TMEM45B: variants seen among roughly 807,000 people sequenced by gnomAD.
TMEM45B encodes transmembrane protein 45B.
Under a neutral mutation model 27.3 loss-of-function variants are expected in TMEM45B, and 29 were observed. The observed-to-expected ratio is 1.06, with a 90% confidence interval of 0.79 to 1.45. TMEM45B has a LOEUF of 1.45. TMEM45B is among the 40% of genes most tolerant of loss of function. TMEM45B has a pLI of 0.00. For synonymous variants in TMEM45B, 143 were observed against 134.7 expected, an observed-to-expected ratio of 1.06 and a Z score of -0.43; for missense variants, 348 against 343.9, an observed-to-expected ratio of 1.01 and a Z score of -0.09.
At chr11:129,829,144 C>A (rs919580197) in intron 1 of TMEM45B, among the ~76,000 whole-genome samples, 3 of 152,148 alleles carry the variant, frequency 2.0e-5, no homozygotes, top group Non-Finnish European at 2.9e-5. Flanking sequence ...AAGGTCTTAC[C>A]AGTAAAAGTG....
intron 1 of TMEM45B, among the ~76,000 whole-genome samples, chr11:129,849,902 G>A (rs938752077): frequency 1.3e-5 from 2 of 152,180 alleles, no homozygotes; most frequent in South Asian, 2.1e-4. Context: ...GTCATTCTCC[G>A]AAATGGCTTT....
chr11:129,816,799 G>T (rs1392908825), intron 1 of TMEM45B, among the ~76,000 whole-genome samples: 1 of 143,546 alleles, frequency 7.0e-6, no homozygotes, highest in African/African-American at 2.6e-5. Context: ...GTGCAGTGGC[G>T]CAATCTCGGA....
intron 1 of TMEM45B, among the ~76,000 whole-genome samples, chr11:129,830,000 G>A (rs1591437312): frequency 6.6e-6 from 1 of 152,200 alleles, no homozygotes; most frequent in East Asian, 1.9e-4. Context: ...GAATAAAGTT[G>A]GATCCCTACC....
intron 1 of TMEM45B, among the ~76,000 whole-genome samples, chr11:129,840,159 T>C (rs1947672056): frequency 6.6e-6 from 1 of 152,216 alleles, no homozygotes. Context: ...GTAGCTAATC[T>C]AATGAACTAA....
At chr11:129,815,922 G>A in intron 1 of TMEM45B, 24 bp downstream of exon 1, 2 of 1,270,742 alleles carry the variant, frequency 1.6e-6, no homozygotes, top group Non-Finnish European at 2.0e-6. Context: ...ACCCGCAGGG[G>A]GCTCGAACCT....
In TMEM45B at chr11:129,815,862, G is replaced by A. The variant is rs967552676; in HGVS notation, c.-45G>A. ...TCTGGGCGGACGCACTTGGCGCGCG[G>A]CGCGGGCTGCAGACGGCTGCGAGGC... On this transcript the variant is annotated 5_prime_UTR_variant, in exon 1 of 6. Transcript: ENST00000281441. 40 of 1,308,982 alleles carry A rather than the reference G, an allele frequency of 3.1e-5. No homozygotes were observed. Among genetic ancestry groups the A allele is most frequent in the Non-Finnish European group, 3.0e-5 (31 of 1,037,378 alleles). 81.1% of individuals were successfully genotyped at this position (1,308,982 alleles called of 1,614,324 possible).
At chr11:129,838,366 C>G (rs1433956475) in intron 1 of TMEM45B, among the ~76,000 whole-genome samples, 1 of 152,182 alleles carries the variant, frequency 6.6e-6, no homozygotes, top group Non-Finnish European at 1.5e-5. Context: ...TTGTGAGCCA[C>G]TGGACTCGAG....
At position 129,858,747 on chromosome 11, in the gene TMEM45B, TC is replaced by T; in HGVS notation, c.*64del. On this transcript the variant is annotated 3_prime_UTR_variant, in exon 6 of 6. Transcript: ENST00000281441. ...GCTGGAATGAATGGAGTTCATCCCCTCCACCTGAATGCCTGCTGTGGTCTGA... is the reference window on the plus strand; with the variant it reads ...GCTGGAATGAATGGAGTTCATCCCCTCACCTGAATGCCTGCTGTGGTCTGA... 1 of 1,202,210 alleles carries T rather than the reference TC, an allele frequency of 8.3e-7. No individual in the cohort carries two copies. Among genetic ancestry groups the T allele is most frequent in the Non-Finnish European group, 1.2e-6 (1 of 839,388 alleles). The allele number at this position is 1,202,210 out of a possible 1,614,324, so 74.5% of individuals were successfully genotyped here.
chr11:129,852,577 A>G lies in TMEM45B; in HGVS notation c.95A>G (p.His32Arg). The change falls in exon 2 of 6, where the codon CAC (histidine) becomes CGC (arginine). Residue 32 changes from histidine to arginine, a missense_variant. Transcript: ENST00000281441. The stretch of plus-strand genomic sequence containing the variant: ...AAGTACCCGCTGAAGTACTTTAGCC[A>G]CACGCGGAAGAACAGCCCACTACAT... The part of the protein sequence containing the change: ...SVKYPLKYFS[H>R]TRKNSPLHYY... 6.2e-7 allele frequency: 1 copy of G among 1,613,992 alleles called. No homozygotes were observed. The highest frequency in any genetic ancestry group is 8.5e-7 in the Non-Finnish European group (1 of 1,179,908).
At chr11:129,852,124 T>C (rs1947855041) in intron 1 of TMEM45B, among the ~76,000 whole-genome samples, 1 of 152,256 alleles carries the variant, frequency 6.6e-6, no homozygotes, top group Non-Finnish European at 1.5e-5. Context: ...AAGATGCTTA[T>C]ATAGCTGAAC....
At chr11:129,858,024 T>C (rs1947954745) in intron 5 of TMEM45B, among the ~76,000 whole-genome samples, 1 of 152,178 alleles carries the variant, frequency 6.6e-6, no homozygotes, top group Admixed American at 6.5e-5. Flanking sequence ...AAGTATGCAC[T>C]GTTATTTTTT....
chr11:129,856,869 TTTTA>T, intron 4 of TMEM45B, among the ~76,000 whole-genome samples: 1 of 139,116 alleles, frequency 7.2e-6, no homozygotes, highest in South Asian at 2.4e-4. Context: ...TTTTTTTTTT[TTTTA>T]AGACAGTCTC....
At chr11:129,816,772 C>T (rs1380731719) in intron 1 of TMEM45B, among the ~76,000 whole-genome samples, 2 of 125,612 alleles carry the variant, frequency 1.6e-5, no homozygotes, top group Non-Finnish European at 3.2e-5. Flanking sequence ...GAGTCTCGCT[C>T]TGTCGCCCAG....
chr11:129,842,162 C>A (rs1947704001), intron 1 of TMEM45B, among the ~76,000 whole-genome samples: 1 of 152,086 alleles, frequency 6.6e-6, no homozygotes, highest in Non-Finnish European at 1.5e-5. Flanking sequence ...ATGAACAGAC[C>A]TTCAGACACA....
chr11:129,857,262 G>A, intron 4 of TMEM45B, 51 bp from the exon 5 acceptor site: 2 of 1,602,478 alleles, frequency 1.2e-6, no homozygotes, highest in Non-Finnish European at 8.5e-7. Context: ...CGGCTAGATT[G>A]CTTCTCAGGA....
chr11:129,838,799 A>G (rs1947655839), intron 1 of TMEM45B, among the ~76,000 whole-genome samples: 1 of 152,186 alleles, frequency 6.6e-6, no homozygotes, highest in Non-Finnish European at 1.5e-5. Context: ...CTTGAGGAGA[A>G]AAACAAAATT....
At chr11:129,817,305 C>T (rs894152162) in intron 1 of TMEM45B, among the ~76,000 whole-genome samples, 1 of 152,116 alleles carries the variant, frequency 6.6e-6, no homozygotes, top group Non-Finnish European at 1.5e-5. Flanking sequence ...TGGAAAGAAT[C>T]AGGACACGTG....
intron 1 of TMEM45B, among the ~76,000 whole-genome samples, chr11:129,851,986 C>T (rs572440493): frequency 1.3e-5 from 2 of 152,282 alleles, no homozygotes; most frequent in African/African-American, 4.8e-5. Context: ...GTGAATCATC[C>T]GTTCATGTCT....
At chr11:129,856,296 C>A (rs1237445302) in intron 4 of TMEM45B, among the ~76,000 whole-genome samples, 4 of 152,238 alleles carry the variant, frequency 2.6e-5, no homozygotes, top group Middle Eastern at 3.4e-3. Flanking sequence ...ACTGCAACCT[C>A]CATCTCCCAG....
Sources: gnomAD v4.1 joint callset for allele counts (sites outside exome capture counted in the v4.1 genomes callset) on GRCh38, gnomAD v4.1.1 for gene constraint, MANE v1.5 for transcripts, NCBI Gene and HGNC (gene_info 2026-07-23, HGNC 2026-07-21) for gene names.